The following PDGFD variants were observed in gnomAD, a reference collection of about 807,000 sequenced individuals.
PDGFD encodes platelet derived growth factor D.
A neutral mutation model predicts 44.7 loss-of-function variants in PDGFD; 30 were observed. That is an observed-to-expected ratio of 0.67 (90% CI 0.50 to 0.91). The LOEUF (loss-of-function observed/expected upper bound fraction) is 0.91. Ranked by LOEUF, PDGFD falls within the 40% of genes least tolerant of loss-of-function variation. The pLI, the probability that PDGFD is intolerant of heterozygous loss-of-function variation, is 0.00. For missense variants in PDGFD, 445 were observed against 457.8 expected (o/e 0.97, Z 0.25); for synonymous variants, 173 against 168.4 (o/e 1.03, Z -0.21).
intron 1 of PDGFD, among the ~76,000 whole-genome samples, chr11:104,076,315 C>T (rs958630590): frequency 1.3e-5 from 2 of 152,064 alleles, no homozygotes; most frequent in African/African-American, 4.8e-5. Context: ...CAGCATCTAC[C>T]ATTAAAACTG....
At chr11:103,956,407 C>T (rs1319009901) in intron 3 of PDGFD, among the ~76,000 whole-genome samples, 1 of 141,658 alleles carries the variant, frequency 7.1e-6, no homozygotes, top group Admixed American at 6.9e-5. Flanking sequence ...ATTTTTATGG[C>T]TGCATAGTAT....
At chr11:104,083,557 CAGA>C (rs1861077648) in intron 1 of PDGFD, among the ~76,000 whole-genome samples, 1 of 152,118 alleles carries the variant, frequency 6.6e-6, no homozygotes, top group South Asian at 2.1e-4. Flanking sequence ...ACTAATTGCA[CAGA>C]AAATGTCTCT....
chr11:103,947,649 ATAAAT>A lies in PDGFD; in HGVS notation c.573+8_573+12del. ...CGTTTCTTTTGCTGGCAACAGAGTA[ATAAAT>A]TACTTACTGAAATAGAGCTTGTGAC... On this transcript the variant is annotated splice_region_variant and intron_variant, in intron 4 of 6. Transcript: ENST00000393158. The A allele has an allele frequency of 6.2e-7, 1 of 1,609,428 alleles. No individual in the cohort carries two copies. Among genetic ancestry groups the A allele is most frequent in the African/African-American group, 1.3e-5 (1 of 74,942 alleles).
chr11:103,984,922 A>C (rs1434620366), intron 3 of PDGFD, among the ~76,000 whole-genome samples: 1 of 129,398 alleles, frequency 7.7e-6, no homozygotes, highest in East Asian at 2.1e-4. Context: ...TAATATATTT[A>C]TATTTATTTA....
At chr11:104,148,759 G>C (rs1862200617) in intron 1 of PDGFD, among the ~76,000 whole-genome samples, 2 of 151,938 alleles carry the variant, frequency 1.3e-5, no homozygotes, top group Admixed American at 1.3e-4. Flanking sequence ...TTCATCCTCT[G>C]AAAGGCCCCA....
chr11:103,986,890 CT>C (rs1262780899), intron 3 of PDGFD, among the ~76,000 whole-genome samples: 2 of 152,280 alleles, frequency 1.3e-5, no homozygotes, highest in South Asian at 4.1e-4. Flanking sequence ...AAGATCAGTG[CT>C]TAAGATATTT....
chr11:104,156,402 A>C (rs1231986891), intron 1 of PDGFD, among the ~76,000 whole-genome samples: 1 of 152,196 alleles, frequency 6.6e-6, no homozygotes, highest in Non-Finnish European at 1.5e-5. Flanking sequence ...AATGAATCCT[A>C]ACATATAAGG....
chr11:103,923,783 G>A (rs1282837247), intron 6 of PDGFD, among the ~76,000 whole-genome samples: 1 of 152,192 alleles, frequency 6.6e-6, no homozygotes, highest in African/African-American at 2.4e-5. Flanking sequence ...TTCCAGGTAA[G>A]CAGTTACTGG....
chr11:103,913,935 G>T (rs1858071355), intron 6 of PDGFD, among the ~76,000 whole-genome samples: 1 of 151,990 alleles, frequency 6.6e-6, no homozygotes, highest in Non-Finnish European at 1.5e-5. Context: ...TATGTAGCCT[G>T]TATGGACCTT....
intron 1 of PDGFD, among the ~76,000 whole-genome samples, chr11:104,040,583 G>A (rs1268900300): frequency 6.6e-6 from 1 of 151,882 alleles, no homozygotes; most frequent in Non-Finnish European, 1.5e-5. Context: ...ACTATGCAAG[G>A]TACTTTGCAT....
intron 1 of PDGFD, among the ~76,000 whole-genome samples, chr11:104,092,880 ATGAT>A (rs1861231334): frequency 6.6e-6 from 1 of 152,136 alleles, no homozygotes; most frequent in African/African-American, 2.4e-5. Context: ...TCATATTTTT[ATGAT>A]TGATCCAAGT....
intron 1 of PDGFD, among the ~76,000 whole-genome samples, chr11:104,062,670 T>C (rs1376437323): frequency 6.6e-6 from 1 of 152,236 alleles, no homozygotes; most frequent in Non-Finnish European, 1.5e-5. Flanking sequence ...ATTATTATGC[T>C]ACTACAAACA....
intron 4 of PDGFD, chr11:103,945,867 A>G (rs773401764): frequency 1.1e-4 from 16 of 152,118 alleles, no homozygotes; most frequent in Non-Finnish European, 2.4e-4. Flanking sequence ...ACATGTCCCT[A>G]TGTATGAGCT....
At chr11:104,073,420 TC>T (rs1227313598) in intron 1 of PDGFD, among the ~76,000 whole-genome samples, 1 of 152,172 alleles carries the variant, frequency 6.6e-6, no homozygotes, top group East Asian at 1.9e-4. Flanking sequence ...CAAGAAACTC[TC>T]CTTTAAGGCA....
At chr11:103,930,535 G>C (rs1186686890) in intron 5 of PDGFD, among the ~76,000 whole-genome samples, 2 of 136,646 alleles carry the variant, frequency 1.5e-5, no homozygotes, top group African/African-American at 6.2e-5. Flanking sequence ...AGGAAACTGA[G>C]CCTTTCAAAA....
rs79780398 is a variant in PDGFD at position 104,002,599 on chromosome 11, T to G, written c.125-2344A>C. On this transcript the variant is annotated intron_variant, in intron 1 of 6. Transcript: ENST00000393158. The stretch of plus-strand genomic sequence containing the variant: ...TCTTTATAACAGTGTGAAAAATGAC[T>G]AACACAGGTCTGAACACTGTTTTCT... Among the ~76,000 whole-genome samples, 3,120 of 152,298 alleles carry G rather than the reference T, an allele frequency of 0.02. 199 individuals carry two copies. The East Asian group carries it at 0.27, about 13-fold the overall frequency.
intron 3 of PDGFD, among the ~76,000 whole-genome samples, chr11:103,976,951 T>A (rs563160489): frequency 4.6e-5 from 7 of 151,642 alleles, no homozygotes; most frequent in Non-Finnish European, 1.0e-4. Flanking sequence ...CTAGTCAGAA[T>A]AATAAAGAAG....
chr11:103,929,527 A>G (rs1858368754), intron 5 of PDGFD, among the ~76,000 whole-genome samples: 1 of 152,214 alleles, frequency 6.6e-6, no homozygotes, highest in South Asian at 2.1e-4. Context: ...TAACTCTTTG[A>G]CTAGCATTGG....
chr11:104,002,799 A>G (rs577681065), intron 1 of PDGFD, among the ~76,000 whole-genome samples: 18 of 152,334 alleles, frequency 1.2e-4, no homozygotes, highest in Admixed American at 1.3e-4. Flanking sequence ...CTCTAAATTA[A>G]TATTTTAATC....
Sources: allele counts gnomAD v4.1 joint callset (sites outside exome capture counted in the v4.1 genomes callset), GRCh38; gene constraint gnomAD v4.1.1; transcripts MANE v1.5; gene names NCBI Gene and HGNC (gene_info 2026-07-23, HGNC 2026-07-21).